The following GUCY1A2 variants were observed in gnomAD, a reference collection of about 807,000 sequenced individuals.
GUCY1A2 encodes guanylate cyclase 1 soluble subunit alpha 2, also known as guanylate cyclase soluble subunit alpha-2.
In GUCY1A2, 27 loss-of-function variants were observed where a neutral mutation model predicts 63.5. The ratio of observed to expected loss-of-function variants is 0.43; its 90% CI spans 0.31 to 0.59. The LOEUF (loss-of-function observed/expected upper bound fraction) is 0.59. Ranked by LOEUF, GUCY1A2 falls within the 20% of genes least tolerant of loss-of-function variation. GUCY1A2 has a pLI of 0.11. For synonymous variants in GUCY1A2, 364 were observed against 343.5 expected (o/e 1.06, Z -0.66); for missense variants, 768 against 913.3 (o/e 0.84, Z 2.05).
intron 1 of GUCY1A2, among the ~76,000 whole-genome samples, chr11:107,008,692 A>G (rs1861704893): frequency 6.6e-6 from 1 of 152,242 alleles, no homozygotes; most frequent in African/African-American, 2.4e-5. Flanking sequence ...ACCAAAATCA[A>G]GGTACAATAC....
intron 7 of GUCY1A2, among the ~76,000 whole-genome samples, chr11:106,692,934 C>T (rs1862650857): frequency 6.6e-6 from 1 of 152,170 alleles, no homozygotes; most frequent in African/African-American, 2.4e-5. Flanking sequence ...TAGCGGCAGA[C>T]TAGTATATAT....
chr11:106,699,630 A>G (rs1197946437), intron 7 of GUCY1A2, among the ~76,000 whole-genome samples: 4 of 152,136 alleles, frequency 2.6e-5, no homozygotes, highest in Non-Finnish European at 5.9e-5. Flanking sequence ...AGAAGAGAGA[A>G]CCACCAAGCT....
chr11:106,787,415 G>GATTT (rs111670130), intron 5 of GUCY1A2, among the ~76,000 whole-genome samples: 72 of 135,956 alleles, frequency 5.3e-4, no homozygotes, highest in Admixed American at 1.1e-3. Context: ...GCCTTACTTT[G>GATTT]TTTTTTTTTT....
rs1011266925 is a variant in GUCY1A2 at position 106,682,061 on chromosome 11, G to C, written c.*5488C>G. 2 of 207,790 alleles carry C rather than the reference G, an allele frequency of 9.6e-6. No homozygotes were observed. The highest frequency in any genetic ancestry group is 1.9e-5 in the Non-Finnish European group (2 of 104,886). The allele number at this position is 207,790 out of a possible 1,614,324, so 12.9% of individuals were successfully genotyped here. On this transcript the variant is annotated 3_prime_UTR_variant, in exon 8 of 8. Coordinates refer to ENST00000526355, the MANE Select transcript of GUCY1A2 (RefSeq NM_000855.3). ...CAGCTCTGGCAGTAACTAAGAAAATGGTACTGTATCTAGTATGCCTAATAG... is the reference window on the plus strand; with the variant it reads ...CAGCTCTGGCAGTAACTAAGAAAATCGTACTGTATCTAGTATGCCTAATAG...
Position 106,939,924 on chromosome 11 carries a change from A to G in GUCY1A2, c.742T>C (p.Phe248Leu). ...HYFHPHHIVGFAMLGMIKAAG... is the reference protein window; with the variant it reads ...HYFHPHHIVGLAMLGMIKAAG... ...GCCTTAATCATCCCCAGCATTGCAA[A>G]CCCCACAATATGGTGAGGGTGGAAG... The change falls in exon 4 of 8, where the codon TTT becomes CTT. Residue 248 changes from phenylalanine (F) to leucine (L), a missense_variant. This residue lies in a region of GUCY1A2 where 496 missense variants were observed against 486.9 expected (regional missense o/e 1.02). Transcript: ENST00000526355. 2 of 1,613,942 alleles carry G rather than the reference A, an allele frequency of 1.2e-6. No homozygotes were observed. The highest frequency in any genetic ancestry group is 4.5e-5 in the East Asian group (2 of 44,862).
rs1190581873 is a variant in GUCY1A2 at position 106,776,527 on chromosome 11, A to G, written c.1748T>C (p.Leu583Pro). 6 of 1,613,442 alleles carry G rather than the reference A, an allele frequency of 3.7e-6. No homozygotes were observed. Among genetic ancestry groups the G allele is most frequent in the Non-Finnish European group, 5.1e-6 (6 of 1,179,474 alleles). ...CVAAGLHRKS[L>P]CHAKPIALMA... ...CAGAGCAATGGGTTTAGCATGGCAGAGGCTTTTTCTGTGGAGCCCTGCTGC... is the reference window on the plus strand; with the variant it reads ...CAGAGCAATGGGTTTAGCATGGCAGGGGCTTTTTCTGTGGAGCCCTGCTGC... Residue 583 changes from leucine to proline, a missense_variant, in exon 6 of 8, where the codon CTC becomes CCC. Transcript: ENST00000526355.
At chr11:106,748,781 A>C (rs951854281) in intron 6 of GUCY1A2, among the ~76,000 whole-genome samples, 6 of 150,826 alleles carry the variant, frequency 4.0e-5, no homozygotes, top group Admixed American at 6.6e-5. Context: ...CTTTTCGGCC[A>C]ATGTTTTCCA....
At chr11:106,870,962 A>G (rs894313761) in intron 4 of GUCY1A2, among the ~76,000 whole-genome samples, 1 of 152,158 alleles carries the variant, frequency 6.6e-6, no homozygotes, top group African/African-American at 2.4e-5. Flanking sequence ...TTGTTGCTCT[A>G]AATTACAGTG....
chr11:106,887,952 C>T (rs1367136567), intron 4 of GUCY1A2, among the ~76,000 whole-genome samples: 1 of 152,070 alleles, frequency 6.6e-6, no homozygotes, highest in Non-Finnish European at 1.5e-5. Context: ...TCATCTTTGG[C>T]CAGTAGGGCT....
At chr11:107,009,548 G>A (rs553682347) in intron 1 of GUCY1A2, among the ~76,000 whole-genome samples, 24 of 152,156 alleles carry the variant, frequency 1.6e-4, no homozygotes, top group African/African-American at 5.1e-4. Flanking sequence ...AATGACATGC[G>A]AACTACTGAA....
In GUCY1A2 at chr11:106,862,331, A is replaced by T. The variant is rs896217223; in HGVS notation, c.1207-51853T>A. Among the ~76,000 whole-genome samples, 3 of 2,058 alleles carry T rather than the reference A, an allele frequency of 1.5e-3. No homozygotes were observed. The Admixed American group carries it at 0.016, about 11-fold the overall frequency. The allele number at this position is 2,058 out of a possible 152,430, so 1.4% of individuals were successfully genotyped here. ...TGTTATGAGAATTGAATGAGATATA[A>T]AAAAAACACATCAATAGATAAGTTT... On this transcript the variant is annotated intron_variant, in intron 4 of 7. Transcript: ENST00000526355.
At chr11:106,719,813 T>C (rs1863282758) in intron 6 of GUCY1A2, among the ~76,000 whole-genome samples, 1 of 152,176 alleles carries the variant, frequency 6.6e-6, no homozygotes, top group African/African-American at 2.4e-5. Context: ...GCATCCAAGG[T>C]TGAAATCTAT....
chr11:106,801,422 T>C (rs1858602538), intron 5 of GUCY1A2, among the ~76,000 whole-genome samples: 3 of 152,148 alleles, frequency 2.0e-5, no homozygotes, highest in Non-Finnish European at 2.9e-5. Context: ...TCATTTTATG[T>C]ATTAAAATTA....
At chr11:106,712,856 A>G (rs1863144113) in intron 6 of GUCY1A2, among the ~76,000 whole-genome samples, 1 of 152,150 alleles carries the variant, frequency 6.6e-6, no homozygotes, top group Non-Finnish European at 1.5e-5. Flanking sequence ...GTGCTTTTCC[A>G]TATGATCTTT....
chr11:106,900,907 T>C (rs1264898434), intron 4 of GUCY1A2, among the ~76,000 whole-genome samples: 1 of 152,232 alleles, frequency 6.6e-6, no homozygotes, highest in Non-Finnish European at 1.5e-5. Flanking sequence ...TTTGCCTCTG[T>C]TGTTGGCTGC....
At chr11:106,780,162 T>G (rs2135405101) in intron 5 of GUCY1A2, among the ~76,000 whole-genome samples, 1 of 152,208 alleles carries the variant, frequency 6.6e-6, no homozygotes, top group South Asian at 2.1e-4. Flanking sequence ...ACGAGACCTT[T>G]CTCTCTTTCT....
intron 4 of GUCY1A2, among the ~76,000 whole-genome samples, chr11:106,841,735 T>A (rs1321915003): frequency 2.6e-5 from 4 of 151,938 alleles, no homozygotes; most frequent in African/African-American, 9.7e-5. Context: ...AAGTACACAT[T>A]TTCTGCTACA....
At chr11:106,966,926 G>T in intron 3 of GUCY1A2, among the ~76,000 whole-genome samples, 1 of 152,172 alleles carries the variant, frequency 6.6e-6, no homozygotes, top group South Asian at 2.1e-4. Flanking sequence ...AATGAAAATA[G>T]AAAGGTTATA....
intron 7 of GUCY1A2, among the ~76,000 whole-genome samples, chr11:106,690,664 C>T (rs1309384199): frequency 1.3e-5 from 2 of 152,150 alleles, no homozygotes; most frequent in Non-Finnish European, 2.9e-5. Context: ...TATGTATATA[C>T]ATTTGTATGT....
Sources: allele counts gnomAD v4.1 joint callset (sites outside exome capture counted in the v4.1 genomes callset), GRCh38; gene constraint gnomAD v4.1.1; regional missense constraint gnomAD v4.1.1; transcripts MANE v1.5; gene names NCBI Gene and HGNC (gene_info 2026-07-23, HGNC 2026-07-21).